SYT16: variants seen among roughly 807,000 people sequenced by gnomAD.
SYT16 encodes synaptotagmin 16.
A neutral mutation model predicts 61.4 loss-of-function variants in SYT16; 42 were observed. The observed-to-expected ratio is 0.68, with a 90% CI of 0.53 to 0.89. SYT16 has a LOEUF of 0.89. SYT16 is among the 40% of genes least tolerant of loss of function. The probability of loss-of-function intolerance (pLI) is 0.00; values close to 1 mark genes in which losing one functional copy is unlikely to be tolerated. For synonymous variants in SYT16, 314 were observed against 302.3 expected, an observed-to-expected ratio of 1.04 and a Z score of -0.40; for missense variants, 804 against 807.3, an observed-to-expected ratio of 1.00 and a Z score of 0.05.
In SYT16 at chr14:62,039,912, A is replaced by C. The variant is rs150275003; in HGVS notation, c.524-29691A>C. 4.3e-3 allele frequency among the ~76,000 whole-genome samples: 650 copies of C among 151,546 alleles called. 1 individual carries two copies. Among genetic ancestry groups the C allele is most frequent in the African/African-American group, 0.015 (621 of 41,344 alleles). ...ACACTAGATTTTACTGACTCACATT[A>C]GTGAAAAGTGATATGCTAGGAAAGC... On this transcript the variant is annotated intron_variant, in intron 3 of 7. Coordinates refer to ENST00000683842, the MANE Select transcript of SYT16 (RefSeq NM_001367656.1).
rs1415442533 is a variant in SYT16 at position 62,078,151 on chromosome 14, C to A, written c.994-2683C>A. Among the ~76,000 whole-genome samples, 586 of 106,390 alleles carry A rather than the reference C, an allele frequency of 5.5e-3. 3 individuals carry two copies. The highest frequency in any genetic ancestry group is 0.027 in the African/African-American group (548 of 20,354). 69.8% of individuals were successfully genotyped at this position (106,390 alleles called of 152,430 possible). A position where few individuals can be genotyped will look rare whatever the true frequency, so the allele number is the denominator to read the frequency against. On this transcript the variant is annotated intron_variant, in intron 5 of 7. Coordinates refer to ENST00000683842, the MANE Select transcript of SYT16 (RefSeq NM_001367656.1). ...TAGTGCTCTCTCGCTCTCTCTCTCT[C>A]TCTCTATATATATATATATAAACAC...
chr14:61,890,993 GT>G (rs2048103041), intron 1 of SYT16, among the ~76,000 whole-genome samples: 1 of 152,196 alleles, frequency 6.6e-6, no homozygotes, highest in Admixed American at 6.5e-5. Context: ...GCTAACTTCA[GT>G]TCAGGTGCTT....
At chr14:61,860,238 A>C (rs1594774711) in intron 1 of SYT16, among the ~76,000 whole-genome samples, 1 of 152,188 alleles carries the variant, frequency 6.6e-6, no homozygotes, top group African/African-American at 2.4e-5. Context: ...ACAACAACAA[A>C]CCATTCTAGC....
intron 3 of SYT16, among the ~76,000 whole-genome samples, chr14:62,054,360 G>GTTGTTGTTTTTTTTTTTTTTT (rs1411904235): frequency 8.5e-6 from 1 of 118,298 alleles, no homozygotes; most frequent in Non-Finnish European, 1.7e-5. Flanking sequence ...AGTGAAGTGA[G>GTTGTTGTTTTTTTTTTTTTTT]TTTTTTTTTT....
chr14:62,024,549 T>C (rs529063344), intron 3 of SYT16, among the ~76,000 whole-genome samples: 1 of 152,194 alleles, frequency 6.6e-6, no homozygotes, highest in East Asian at 1.9e-4. Flanking sequence ...CCATACACCC[T>C]GTGTTCTCCA....
chr14:62,064,350 AAAAAAAAAG>A (rs974907208), intron 3 of SYT16, among the ~76,000 whole-genome samples: 2 of 150,434 alleles, frequency 1.3e-5, no homozygotes, highest in African/African-American at 4.9e-5. Context: ...AAAAAAAAAA[AAAAAAAAAG>A]AAAACACTGG....
At chr14:61,944,096 A>C (rs987283690) in intron 1 of SYT16, among the ~76,000 whole-genome samples, 2 of 152,204 alleles carry the variant, frequency 1.3e-5, no homozygotes, top group East Asian at 3.9e-4. Flanking sequence ...ATAATAGACA[A>C]ACAGAGAGCC....
At chr14:61,962,267 A>G (rs1458155151) in intron 1 of SYT16, among the ~76,000 whole-genome samples, 2 of 152,022 alleles carry the variant, frequency 1.3e-5, no homozygotes, top group Non-Finnish European at 2.9e-5. Context: ...CTGAACTTAA[A>G]AGTTAAAAAA....
intron 2 of SYT16, among the ~76,000 whole-genome samples, chr14:61,992,690 G>A (rs1044279795): frequency 3.9e-5 from 6 of 152,024 alleles, no homozygotes; most frequent in African/African-American, 1.4e-4. Context: ...TACAGAATTT[G>A]AACTTTATCC....
intron 1 of SYT16, among the ~76,000 whole-genome samples, chr14:61,893,094 A>G (rs1425311723): frequency 6.6e-6 from 1 of 152,094 alleles, no homozygotes; most frequent in Non-Finnish European, 1.5e-5. Context: ...GAATTCCTGC[A>G]CACTTCCCAT....
At chr14:61,984,079 G>A (rs975971749) in intron 2 of SYT16, among the ~76,000 whole-genome samples, 3 of 152,122 alleles carry the variant, frequency 2.0e-5, no homozygotes, top group Non-Finnish European at 4.4e-5. Flanking sequence ...AGAAAGTATG[G>A]TGAAGCTTTC....
chr14:62,093,627 C>T (rs896545516), intron 7 of SYT16, among the ~76,000 whole-genome samples: 3 of 152,022 alleles, frequency 2.0e-5, no homozygotes, highest in African/African-American at 7.2e-5. Context: ...GCAAAATCTG[C>T]TAGTGTAATT....
intron 3 of SYT16, among the ~76,000 whole-genome samples, chr14:62,057,932 ATCTC>A (rs1386024477): frequency 2.0e-5 from 3 of 152,172 alleles, no homozygotes; most frequent in Admixed American, 2.0e-4. Context: ...TTTGTAATCC[ATCTC>A]TCTCTCTAAC....
intron 1 of SYT16, among the ~76,000 whole-genome samples, chr14:61,965,311 A>T (rs2051271084): frequency 1.3e-5 from 2 of 152,204 alleles, no homozygotes; most frequent in Non-Finnish European, 2.9e-5. Flanking sequence ...ACAGTTTAAC[A>T]TAGCTATGGC....
chr14:62,034,620 T>G (rs1212252832), intron 3 of SYT16, among the ~76,000 whole-genome samples: 4 of 152,096 alleles, frequency 2.6e-5, no homozygotes, highest in African/African-American at 4.8e-5. Context: ...ATTATATGAC[T>G]CTTTTTTATA....
At chr14:61,927,307 G>C (rs1442021568) in intron 1 of SYT16, among the ~76,000 whole-genome samples, 1 of 152,162 alleles carries the variant, frequency 6.6e-6, no homozygotes, top group Non-Finnish European at 1.5e-5. Flanking sequence ...ATATTCACAG[G>C]AGACTAGGCA....
At chr14:61,852,816 T>G (rs955057347) in intron 1 of SYT16, among the ~76,000 whole-genome samples, 8 of 152,224 alleles carry the variant, frequency 5.3e-5, no homozygotes, top group Non-Finnish European at 1.0e-4. Context: ...GCAACATATC[T>G]TTTTCATTTG....
chr14:61,960,575 G>T (rs1716197980), intron 1 of SYT16, among the ~76,000 whole-genome samples: 1 of 152,166 alleles, frequency 6.6e-6, no homozygotes, highest in South Asian at 2.1e-4. Context: ...TGCTGAAGTT[G>T]TTTATCAGAT....
intron 1 of SYT16, among the ~76,000 whole-genome samples, chr14:61,875,490 A>G (rs2047458358): frequency 2.6e-5 from 4 of 152,262 alleles, no homozygotes; most frequent in Non-Finnish European, 5.9e-5. Context: ...TGGTTAAAAC[A>G]TTAAAATTTT....
Sources: gnomAD v4.1 joint callset for allele counts (sites outside exome capture counted in the v4.1 genomes callset) on GRCh38, gnomAD v4.1.1 for gene constraint, MANE v1.5 for transcripts, NCBI Gene and HGNC (gene_info 2026-07-23, HGNC 2026-07-21) for gene names.